Variants in PATL1 observed in about 807,000 individuals in gnomAD.
The protein encoded by PATL1 is PAT1 homolog 1, processing body mRNA decay factor, also known as protein PAT1 homolog 1.
A neutral mutation model predicts 100.6 loss-of-function variants in PATL1; 32 were observed. The observed-to-expected ratio is 0.32, with a 90% CI of 0.24 to 0.43. The LOEUF (loss-of-function observed/expected upper bound fraction) is 0.43, where lower values mean the gene tolerates loss of function less well. PATL1 is among the 20% of genes least tolerant of loss of function. The probability of loss-of-function intolerance (pLI) is 1.00; values close to 1 mark genes in which losing one functional copy is unlikely to be tolerated. For synonymous variants in PATL1, 332 were observed against 330.0 expected (o/e 1.01, Z -0.07); for missense variants, 747 against 949.9 (o/e 0.79, Z 2.81).
At chr11:59,656,178 T>C in intron 6 of PATL1, 133 bp from the exon 7 acceptor site, 1 of 585,886 alleles carries the variant, frequency 1.7e-6, no homozygotes, top group African/African-American at 2.0e-5. Flanking sequence ...AGCTCTGGAA[T>C]AGAAAAAAAG....
At chr11:59,658,990 T>G (rs1214315724) in intron 3 of PATL1, 44 bp from the exon 4 acceptor site, 4 of 1,476,998 alleles carry the variant, frequency 2.7e-6, no homozygotes, top group Non-Finnish European at 2.7e-6. Context: ...TGTTGTATAC[T>G]CTCTGGGTGA....
intron 13 of PATL1, among the ~76,000 whole-genome samples, chr11:59,650,354 T>C (rs1861424066): frequency 6.6e-6 from 1 of 152,240 alleles, no homozygotes; most frequent in East Asian, 1.9e-4. Flanking sequence ...ACAAATCAAC[T>C]ATTAATATCC....
rs953675743 is a variant in PATL1, at chr11:59,641,562, G to A, written c.2049+1318C>T. ...GAGCTCAGGAGTTTGAGACCAGCCT[G>A]GACAACATGGCGAAACCCCACCTCT... On this transcript the variant is annotated intron_variant, in intron 16 of 18. Transcript: ENST00000300146. 3.3e-5 allele frequency among the ~76,000 whole-genome samples: 5 copies of A among 152,058 alleles called. No homozygotes were observed. The South Asian group carries it at 6.2e-4, about 19-fold the overall frequency.
chr11:59,643,063 T>G (rs755972214), intron 15 of PATL1, 28 bp from the exon 16 acceptor site: 1 of 1,607,496 alleles, frequency 6.2e-7, no homozygotes, highest in South Asian at 1.1e-5. Context: ...AAGCATTATA[T>G]CCTGGCACGT....
chr11:59,662,098 A>G (rs966431304), intron 2 of PATL1, among the ~76,000 whole-genome samples: 2 of 152,234 alleles, frequency 1.3e-5, no homozygotes, highest in East Asian at 3.8e-4. Flanking sequence ...TGTATCACAT[A>G]ATACTAGTGA....
chr11:59,642,213 G>A (rs1357115175), intron 16 of PATL1, among the ~76,000 whole-genome samples: 1 of 152,254 alleles, frequency 6.6e-6, no homozygotes. Context: ...TTCATATTAT[G>A]TTTCCCCTAG....
chr11:59,642,852 G>A (rs1431740994), intron 16 of PATL1, 28 bp downstream of exon 16: 3 of 1,594,552 alleles, frequency 1.9e-6, no homozygotes, highest in Non-Finnish European at 1.7e-6. Flanking sequence ...ATTTCACAAA[G>A]TTCAAGGAGT....
intron 16 of PATL1, 91 bp from the exon 17 acceptor site, chr11:59,639,474 A>G (rs979316242): frequency 2.1e-6 from 2 of 964,016 alleles, no homozygotes; most frequent in African/African-American, 3.3e-5. Context: ...GATGGGGAAC[A>G]GCTCTAAATC....
intron 10 of PATL1, 71 bp downstream of exon 10, chr11:59,652,767 T>C: frequency 6.6e-7 from 1 of 1,518,162 alleles, no homozygotes; most frequent in Non-Finnish European, 8.9e-7. Context: ...ATTGTACCAA[T>C]ATTTAAATGA....
chr11:59,638,484 T>A, intron 18 of PATL1, 73 bp from the exon 19 acceptor site: 2 of 1,343,828 alleles, frequency 1.5e-6, no homozygotes. Context: ...CATATTACAG[T>A]TACATCTTTG....
Position 59,638,148 on chromosome 11 carries a change from C to T in PATL1, c.*242G>A. 1.8e-6 allele frequency: 1 copy of T among 555,768 alleles called. No individual in the cohort carries two copies. Among genetic ancestry groups the T allele is most frequent in the South Asian group, 2.3e-5 (1 of 44,098 alleles). 34.4% of individuals were successfully genotyped at this position (555,768 alleles called of 1,614,324 possible). On this transcript the variant is annotated 3_prime_UTR_variant, in exon 19 of 19. Transcript: ENST00000300146. The stretch of plus-strand genomic sequence containing the variant: ...AAAACAGAACTGAGTAAAAGTAGGA[C>T]ATGCAGAACTGTAACACAGAAGGTA...
At chr11:59,661,244 C>G (rs1267883744) in intron 2 of PATL1, among the ~76,000 whole-genome samples, 2 of 152,138 alleles carry the variant, frequency 1.3e-5, no homozygotes, top group South Asian at 4.1e-4. Flanking sequence ...TACCACCACA[C>G]CAGGCTAATT....
chr11:59,639,103 G>A lies in PATL1; in HGVS notation c.2236C>T (p.Leu746Phe). 1 of 1,613,870 alleles carries A rather than the reference G, an allele frequency of 6.2e-7. No individual in the cohort carries two copies. Among genetic ancestry groups the A allele is most frequent in the Non-Finnish European group, 8.5e-7 (1 of 1,179,898 alleles). Residue 746 changes from leucine to phenylalanine, a missense_variant, in exon 18 of 19, where the codon CTC (leucine) becomes TTC (phenylalanine). Transcript: ENST00000300146. ...TGCCGGTCAACATAGCGAGAAAAGA[G>A]GGACACTAGGTTTGTAGGTATAGAG... ...PISIPTNLVS[L>F]FSRYVDRQKL...
chr11:59,642,732 T>G, intron 16 of PATL1, 148 bp downstream of exon 16: 2 of 836,168 alleles, frequency 2.4e-6, no homozygotes, highest in Non-Finnish European at 3.6e-6. Context: ...ACACTGTTAT[T>G]TCTAGCCGGT....
chr11:59,651,708 C>A, intron 11 of PATL1, 67 bp from the exon 12 acceptor site: 1 of 1,028,692 alleles, frequency 9.7e-7, no homozygotes, highest in South Asian at 1.4e-5. Context: ...AGGCAGTGTT[C>A]AAAGAAGATT....
intron 15 of PATL1, among the ~76,000 whole-genome samples, chr11:59,646,742 C>T (rs1861370565): frequency 6.6e-6 from 1 of 152,164 alleles, no homozygotes; most frequent in African/African-American, 2.4e-5. Flanking sequence ...TAATATTCAT[C>T]CTTTGTCCCA....
chr11:59,644,666 G>C (rs1861335036), intron 15 of PATL1, among the ~76,000 whole-genome samples: 1 of 152,124 alleles, frequency 6.6e-6, no homozygotes, highest in Admixed American at 6.6e-5. Context: ...TAAACAGATA[G>C]TTAGAATAAC....
At chr11:59,661,659 T>TA (rs911197711) in intron 2 of PATL1, among the ~76,000 whole-genome samples, 2 of 152,248 alleles carry the variant, frequency 1.3e-5, no homozygotes, top group Admixed American at 6.5e-5. Flanking sequence ...AATACATGTT[T>TA]AAAAAATTCA....
intron 14 of PATL1, 69 bp downstream of exon 14, chr11:59,649,393 T>C: frequency 6.5e-7 from 1 of 1,546,228 alleles, no homozygotes. Context: ...AAGGCAAAAA[T>C]GTATGAAATC....
Sources: gnomAD v4.1 joint callset for allele counts (sites outside exome capture counted in the v4.1 genomes callset) on GRCh38, gnomAD v4.1.1 for gene constraint, MANE v1.5 for transcripts, NCBI Gene and HGNC (gene_info 2026-07-23, HGNC 2026-07-21) for gene names.